The following CAVIN2 variants were observed in gnomAD, a reference collection of about 807,000 sequenced individuals.
CAVIN2 encodes caveolae associated protein 2, also known as caveolae-associated protein 2.
Under a neutral mutation model 11.7 loss-of-function variants are expected in CAVIN2, and 13 were observed. The ratio of observed to expected loss-of-function variants is 1.11; its 90% CI spans 0.72 to 1.77. The LOEUF (loss-of-function observed/expected upper bound fraction) is 1.77. Ranked by LOEUF, CAVIN2 falls within the 40% of genes most tolerant of loss-of-function variation. The probability of loss-of-function intolerance (pLI) is 0.00; values close to 1 mark genes in which losing one functional copy is unlikely to be tolerated. For synonymous variants in CAVIN2, 237 were observed against 223.2 expected (o/e 1.06, Z -0.55); for missense variants, 549 against 542.9 (o/e 1.01, Z -0.11).
chr2:191,840,013 T>C (rs1246458058), intron 1 of CAVIN2, among the ~76,000 whole-genome samples: 2 of 152,202 alleles, frequency 1.3e-5, no homozygotes, highest in African/African-American at 4.8e-5. Flanking sequence ...AAACTTAAGA[T>C]AATGGATGCT....
rs1690165050 is a variant in CAVIN2 at position 191,846,360 on chromosome 2, A to T, written c.483+83T>A. On this transcript the variant is annotated intron_variant, in intron 1 of 1. Transcript: ENST00000304141. ...CCTGACAGGCAGGACAAATGTAAAA[A>T]TGGCTGTGAGAGCCAGGATGAGCGA... is the stretch of plus-strand genomic sequence containing the variant. The T allele has an allele frequency of 4.8e-6, 7 of 1,444,692 alleles. No individual in the cohort carries two copies. In the East Asian group the frequency reaches 1.7e-4, roughly 36 times the overall value. The allele number at this position is 1,444,692 out of a possible 1,614,324, so 89.5% of individuals were successfully genotyped here. A position where few individuals can be genotyped will look rare whatever the true frequency, so the allele number is the denominator to read the frequency against.
chr2:191,834,808 C>A lies in CAVIN2; in HGVS notation c.*1115G>T, dbSNP rs964642412. 6.6e-6 allele frequency: 1 copy of A among 151,988 alleles called. No individual in the cohort carries two copies. Among genetic ancestry groups the A allele is most frequent in the African/African-American group, 2.4e-5 (1 of 41,408 alleles). The allele number at this position is 151,988 out of a possible 1,614,324, so 9.4% of individuals were successfully genotyped here. ...TGTACAAAAAAAGAAAAAATAGAAT[C>A]TTTCACTTCCAAAACCTATAGATTT... On this transcript the variant is annotated 3_prime_UTR_variant, in exon 2 of 2. Transcript: ENST00000304141.
chr2:191,834,909 T>C lies in CAVIN2; in HGVS notation c.*1014A>G, dbSNP rs562935886. 4 of 114,606 alleles carry C rather than the reference T, an allele frequency of 3.5e-5. No individual in the cohort carries two copies. Among genetic ancestry groups the C allele is most frequent in the African/African-American group, 1.1e-4 (4 of 36,398 alleles). 7.1% of individuals were successfully genotyped at this position (114,606 alleles called of 1,614,324 possible). On this transcript the variant is annotated 3_prime_UTR_variant, in exon 2 of 2. Transcript: ENST00000304141. ...AAATTTGAAGAGCATTAAAGAATAG[T>C]ATGAGCTAAGTTTCCACAAAACAGT...
rs1180582662 is a variant in CAVIN2, at chr2:191,846,698, C to A, written c.228G>T (p.Gln76His). The A allele has an allele frequency of 1.2e-6, 2 of 1,614,234 alleles. No homozygotes were observed. The highest frequency in any genetic ancestry group is 2.2e-5 in the South Asian group (2 of 91,080). Reference protein sequence around the residue: ...VNMLDAVQENQHKMEQRQISL... With the variant: ...VNMLDAVQENHHKMEQRQISL... ...TGATCTGTCGCTGCTCCATCTTGTG[C>A]TGGTTCTCCTGCACAGCGTCTAGCA... is the stretch of plus-strand genomic sequence containing the variant. The change falls in exon 1 of 2, where the codon CAG (glutamine) becomes CAT (histidine). Residue 76 changes from glutamine (Q) to histidine (H), a missense_variant. By Grantham distance (24) the Gln-to-His change is conservative. Coordinates refer to ENST00000304141, the MANE Select transcript of CAVIN2 (RefSeq NM_004657.6).
Position 191,846,995 on chromosome 2 carries a change from G to A in CAVIN2, c.-70C>T. 1 of 1,526,582 alleles carries A rather than the reference G, an allele frequency of 6.6e-7. No homozygotes were observed. 94.6% of individuals were successfully genotyped at this position (1,526,582 alleles called of 1,614,324 possible). A position where few individuals can be genotyped will look rare whatever the true frequency, so the allele number is the denominator to read the frequency against. On this transcript the variant is annotated 5_prime_UTR_variant, in exon 1 of 2. Coordinates refer to ENST00000304141, the MANE Select transcript of CAVIN2 (RefSeq NM_004657.6). ...TGCTCGGGTGAGAAGTTGCGGTGGT[G>A]AGGGTGTAGGATGAGGCCCGCTGGT...
intron 1 of CAVIN2, 74 bp downstream of exon 1, chr2:191,846,367 TGA>T (rs1690165161): frequency 6.8e-7 from 1 of 1,468,364 alleles, no homozygotes; most frequent in Non-Finnish European, 9.1e-7. Context: ...AAAATGGCTG[TGA>T]GAGCCAGGAT....
At chr2:191,842,398 G>C (rs1249567280) in intron 1 of CAVIN2, among the ~76,000 whole-genome samples, 1 of 152,178 alleles carries the variant, frequency 6.6e-6, no homozygotes. Context: ...AGAGGCTACT[G>C]CATCCTCAGG....
Position 191,847,045 on chromosome 2 carries a change from G to A in CAVIN2, c.-120C>T, listed in dbSNP as rs1237917892. The A allele has an allele frequency of 3.8e-6, 5 of 1,320,380 alleles. No homozygotes were observed. Among genetic ancestry groups the A allele is most frequent in the Non-Finnish European group, 4.1e-6 (4 of 977,248 alleles). The allele number at this position is 1,320,380 out of a possible 1,614,324, so 81.8% of individuals were successfully genotyped here. On this transcript the variant is annotated 5_prime_UTR_variant, in exon 1 of 2. Coordinates refer to ENST00000304141, the MANE Select transcript of CAVIN2 (RefSeq NM_004657.6). ...TTGGAGCTCAGGGCACCAGTCTCCA[G>A]GACTGGCAGAGGTTCAGACAGGCAA...
chr2:191,842,101 G>T (rs990482296), intron 1 of CAVIN2, among the ~76,000 whole-genome samples: 2 of 152,136 alleles, frequency 1.3e-5, no homozygotes, highest in African/African-American at 4.8e-5. Flanking sequence ...TAAAGTACAG[G>T]CTTTTTAAAA....
At chr2:191,840,448 C>T (rs1690077418) in intron 1 of CAVIN2, among the ~76,000 whole-genome samples, 1 of 152,180 alleles carries the variant, frequency 6.6e-6, no homozygotes, top group Non-Finnish European at 1.5e-5. Flanking sequence ...CCGGTTCTGA[C>T]CTTTCACGAG....
In CAVIN2 at chr2:191,846,936, G is replaced by A. The variant is rs1317827672; in HGVS notation, c.-11C>T. 1 of 1,588,484 alleles carries A rather than the reference G, an allele frequency of 6.3e-7. No homozygotes were observed. Among genetic ancestry groups the A allele is most frequent in the South Asian group, 1.2e-5 (1 of 86,654 alleles). ...AGCGTCCTCTCCCATGGCTAGGCAGGTGGGAACGTTCTTTCTCTCTGGGAG... is the reference window on the plus strand; with the variant it reads ...AGCGTCCTCTCCCATGGCTAGGCAGATGGGAACGTTCTTTCTCTCTGGGAG... On this transcript the variant is annotated 5_prime_UTR_variant, in exon 1 of 2. Coordinates refer to ENST00000304141, the MANE Select transcript of CAVIN2 (RefSeq NM_004657.6).
At position 191,835,345 on chromosome 2, in the gene CAVIN2, T is replaced by C. The variant is rs1404291685; in HGVS notation, c.*578A>G. ...TTCATTAGCTGACTTTTATAATCTC[T>C]TCATTTTTCCTTCGTTTGCAATAAA... On this transcript the variant is annotated 3_prime_UTR_variant, in exon 2 of 2. Transcript: ENST00000304141. The C allele has an allele frequency of 6.6e-6, 1 of 152,226 alleles. No homozygotes were observed. The highest frequency in any genetic ancestry group is 2.4e-5 in the African/African-American group (1 of 41,466). The allele number at this position is 152,226 out of a possible 1,614,324, so 9.4% of individuals were successfully genotyped here. A position where few individuals can be genotyped will look rare whatever the true frequency, so the allele number is the denominator to read the frequency against.
intron 1 of CAVIN2, among the ~76,000 whole-genome samples, chr2:191,844,806 A>G (rs1574196455): frequency 6.6e-6 from 1 of 152,124 alleles, no homozygotes; most frequent in Non-Finnish European, 1.5e-5. Context: ...TCTGCAGAAC[A>G]TCCATGACAA....
Position 191,835,723 on chromosome 2 carries a change from AATTAAAAGTGG to A in CAVIN2, c.*189_*199del. The A allele has an allele frequency of 1.8e-6, 1 of 555,644 alleles. No homozygotes were observed. Among genetic ancestry groups the A allele is most frequent in the Middle Eastern group, 4.7e-4 (1 of 2,126 alleles). 34.4% of individuals were successfully genotyped at this position (555,644 alleles called of 1,614,324 possible). A position where few individuals can be genotyped will look rare whatever the true frequency, so the allele number is the denominator to read the frequency against. On this transcript the variant is annotated 3_prime_UTR_variant, in exon 2 of 2. Transcript: ENST00000304141. Reference sequence around the variant, plus strand: ...TCTACAGAGATAGAACCTAAGAGCAAATTAAAAGTGGAGTCCGTGACAGGTCGCTTTCATGG... The same window carrying A: ...TCTACAGAGATAGAACCTAAGAGCAAAGTCCGTGACAGGTCGCTTTCATGG...
chr2:191,834,502 T>C lies in CAVIN2; in HGVS notation c.*1421A>G, dbSNP rs1689983973. 1 of 152,216 alleles carries C rather than the reference T, an allele frequency of 6.6e-6. No individual in the cohort carries two copies. Among genetic ancestry groups the C allele is most frequent in the Non-Finnish European group, 1.5e-5 (1 of 68,016 alleles). 9.4% of individuals were successfully genotyped at this position (152,216 alleles called of 1,614,324 possible). ...TGTTAATATTGTCTTGGATTAACTC[T>C]ATTTGTAAGGTTACTTATAGTGGTT... On this transcript the variant is annotated 3_prime_UTR_variant, in exon 2 of 2. Transcript: ENST00000304141.
chr2:191,846,464 A>G lies in CAVIN2; in HGVS notation c.462T>C (p.His154=). ...NNHAQLLRRN[H]FKVLIFQEEN... is the part of the protein sequence containing the mutation. ...TGACCTGGAAGATGAGCACTTTGAA[A>G]TGGTTGCGTCGGAGGAGCTGGGCGT... Residue 154 remains histidine, a synonymous_variant, in exon 1 of 2, where the codon CAT becomes CAC. Transcript: ENST00000304141. The G allele has an allele frequency of 6.2e-7, 1 of 1,613,356 alleles. No individual in the cohort carries two copies. The highest frequency in any genetic ancestry group is 8.5e-7 in the Non-Finnish European group (1 of 1,179,576).
At chr2:191,845,216 T>TTA (rs1307879208) in intron 1 of CAVIN2, among the ~76,000 whole-genome samples, 2 of 152,144 alleles carry the variant, frequency 1.3e-5, no homozygotes, top group African/African-American at 4.8e-5. Flanking sequence ...CCCTAAACCT[T>TTA]TACAATATTC....
At position 191,835,717 on chromosome 2, in the gene CAVIN2, A is replaced by G. The variant is rs1480977011; in HGVS notation, c.*206T>C. 5 of 550,252 alleles carry G rather than the reference A, an allele frequency of 9.1e-6. No homozygotes were observed. The highest frequency in any genetic ancestry group is 5.6e-5 in the East Asian group (2 of 35,446). 34.1% of individuals were successfully genotyped at this position (550,252 alleles called of 1,614,324 possible). On this transcript the variant is annotated 3_prime_UTR_variant, in exon 2 of 2. Coordinates refer to ENST00000304141, the MANE Select transcript of CAVIN2 (RefSeq NM_004657.6). ...AGACATTCTACAGAGATAGAACCTA[A>G]GAGCAAATTAAAAGTGGAGTCCGTG...
chr2:191,843,560 C>T (rs1005892197), intron 1 of CAVIN2, among the ~76,000 whole-genome samples: 1 of 152,080 alleles, frequency 6.6e-6, no homozygotes, highest in Non-Finnish European at 1.5e-5. Context: ...CTGGAGGGTT[C>T]GTTGAGTAGG....
Sources: gnomAD v4.1 joint callset for allele counts (sites outside exome capture counted in the v4.1 genomes callset) on GRCh38, gnomAD v4.1.1 for gene constraint, MANE v1.5 for transcripts, NCBI Gene and HGNC (gene_info 2026-07-23, HGNC 2026-07-21) for gene names.